The following MYLK4 variants were observed in gnomAD, a reference collection of about 807,000 sequenced individuals.
MYLK4 encodes the protein myosin light chain kinase family member 4, also known as caMLCK like.
MYLK4 carries 46 observed loss-of-function variants against 48.1 expected under a neutral mutation model. That is an observed-to-expected ratio of 0.96 (90% CI 0.75 to 1.22). The LOEUF (loss-of-function observed/expected upper bound fraction) is 1.22, where lower values mean the gene tolerates loss of function less well. Ranked by LOEUF, MYLK4 falls within the 50% of genes most tolerant of loss-of-function variation. The pLI is 0.00. For synonymous variants in MYLK4, 170 were observed against 180.8 expected, an observed-to-expected ratio of 0.94 and a Z score of 0.48; for missense variants, 451 against 486.1, an observed-to-expected ratio of 0.93 and a Z score of 0.68.
At chr6:2,733,153 G>A (rs1243247407) in intron 2 of MYLK4, among the ~76,000 whole-genome samples, 1 of 152,108 alleles carries the variant, frequency 6.6e-6, no homozygotes, top group Non-Finnish European at 1.5e-5. Context: ...TGCAAAAATG[G>A]GCTTTTGCTA....
At chr6:2,684,037 A>G (rs1482597472) in intron 6 of MYLK4, among the ~76,000 whole-genome samples, 1 of 152,228 alleles carries the variant, frequency 6.6e-6, no homozygotes, top group Non-Finnish European at 1.5e-5. Context: ...TAACTCCGAT[A>G]CAGTTTAATT....
the MYLK4 span, among the ~76,000 whole-genome samples, chr6:2,762,831 T>C: frequency 6.6e-6 from 1 of 152,200 alleles, no homozygotes; most frequent in African/African-American, 2.4e-5. Flanking sequence ...TAGGTCAGCA[T>C]CTCTTAAGTT....
chr6:2,762,436 T>C, the MYLK4 span, among the ~76,000 whole-genome samples: 1 of 152,254 alleles, frequency 6.6e-6, no homozygotes, highest in Non-Finnish European at 1.5e-5. Context: ...AGGCCTTATA[T>C]TAAGAGATTC....
chr6:2,691,856 G>A (rs1055937566), intron 3 of MYLK4, among the ~76,000 whole-genome samples: 5 of 152,090 alleles, frequency 3.3e-5, no homozygotes, highest in Admixed American at 1.3e-4. Flanking sequence ...ATATAAGCTG[G>A]AAAACCAAGT....
chr6:2,721,716 G>A (rs751137505), intron 2 of MYLK4, among the ~76,000 whole-genome samples: 2 of 152,152 alleles, frequency 1.3e-5, no homozygotes, highest in African/African-American at 4.8e-5. Flanking sequence ...CTCCACTTAC[G>A]GACAGTGGTT....
At chr6:2,768,895 C>A in the MYLK4 span, 1 of 1,596,102 alleles carries the variant, frequency 6.3e-7, no homozygotes, top group South Asian at 1.1e-5. Flanking sequence ...ATATTAACTT[C>A]CTTCTACCTT....
chr6:2,700,537 A>G (rs1278429317), intron 2 of MYLK4, among the ~76,000 whole-genome samples: 2 of 152,078 alleles, frequency 1.3e-5, no homozygotes, highest in Non-Finnish European at 2.9e-5. Context: ...TCCCCCCGAT[A>G]AGCAAGGTCT....
chr6:2,754,084 A>T (rs1449605019), upstream of MYLK4, among the ~76,000 whole-genome samples: 2 of 152,162 alleles, frequency 1.3e-5, no homozygotes, highest in Non-Finnish European at 2.9e-5. Context: ...GTTGATGGGA[A>T]TATAAAATGA....
intron 2 of MYLK4, among the ~76,000 whole-genome samples, chr6:2,727,703 C>A (rs950489973): frequency 2.0e-5 from 3 of 152,070 alleles, no homozygotes; most frequent in African/African-American, 7.2e-5. Context: ...AATCCCAGCA[C>A]TTTGGGAGGC....
intron 2 of MYLK4, among the ~76,000 whole-genome samples, chr6:2,695,291 C>T (rs936291672): frequency 3.3e-5 from 5 of 152,118 alleles, no homozygotes; most frequent in African/African-American, 7.2e-5. Flanking sequence ...TATAAGCATA[C>T]GTGGATTTAA....
rs968854555 is a variant in MYLK4, at chr6:2,672,889, G to A, written c.1120-1541C>T. Among the ~76,000 whole-genome samples the A allele has an allele frequency of 1.3e-5, 2 of 152,060 alleles. No homozygotes were observed. Among genetic ancestry groups the A allele is most frequent in the African/African-American group, 2.4e-5 (1 of 41,382 alleles). Reference sequence around the variant, plus strand: ...AGACACTAATGTGCCCATTTTGTGCGTTGCTATGAGGAGTCAGTGAGTTAT... The same window carrying A: ...AGACACTAATGTGCCCATTTTGTGCATTGCTATGAGGAGTCAGTGAGTTAT... On this transcript the variant is annotated intron_variant, in intron 11 of 12. Transcript: ENST00000274643. The surrounding 1 kb of genome is among the most constrained non-coding windows in gnomAD (Gnocchi z 4.3).
intron 2 of MYLK4, among the ~76,000 whole-genome samples, chr6:2,700,703 CAAAT>C (rs1000581972): frequency 6.6e-6 from 1 of 152,132 alleles, no homozygotes; most frequent in African/African-American, 2.4e-5. Context: ...GGGAGGGCAA[CAAAT>C]AAAAAATCCA....
intron 2 of MYLK4, among the ~76,000 whole-genome samples, chr6:2,698,684 A>C (rs989963686): frequency 6.6e-6 from 1 of 152,254 alleles, no homozygotes; most frequent in Non-Finnish European, 1.5e-5. Context: ...TCCTACAAGA[A>C]TACAAAGAGA....
chr6:2,760,827 T>C, the MYLK4 span, among the ~76,000 whole-genome samples: 1 of 152,176 alleles, frequency 6.6e-6, no homozygotes, highest in African/African-American at 2.4e-5. Context: ...ATATAAAATG[T>C]GTTAGAATAA....
chr6:2,736,324 G>A (rs762994109), intron 2 of MYLK4, among the ~76,000 whole-genome samples: 10 of 152,168 alleles, frequency 6.6e-5, no homozygotes, highest in Non-Finnish European at 1.3e-4. Context: ...GCGCGATCTC[G>A]GCTCACTGCA....
rs186462330 is a variant in MYLK4, at chr6:2,675,235, T to C, written c.1041-110A>G. The stretch of plus-strand genomic sequence containing the variant: ...CTTCGGGAGACCAGATGGCCGAATG[T>C]CAACTCATGGTCAATTCTGCCTTCT... On this transcript the variant is annotated intron_variant, in intron 10 of 12. Coordinates refer to ENST00000274643, the MANE Select transcript of MYLK4 (RefSeq NM_001012418.5). 646 of 759,902 alleles carry C rather than the reference T, an allele frequency of 8.5e-4. 13 individuals are homozygous for C. In the Admixed American group the frequency reaches 0.012, roughly 15 times the overall value. The allele number at this position is 759,902 out of a possible 1,614,324, so 47.1% of individuals were successfully genotyped here. A position where few individuals can be genotyped will look rare whatever the true frequency, so the allele number is the denominator to read the frequency against.
the MYLK4 span, among the ~76,000 whole-genome samples, chr6:2,762,762 C>T: frequency 2.6e-5 from 4 of 152,140 alleles, no homozygotes; most frequent in Admixed American, 6.5e-5. Context: ...CTGGTAGCTT[C>T]CTGATCTCGC....
the MYLK4 span, chr6:2,770,313 C>A: frequency 6.2e-7 from 1 of 1,614,176 alleles, no homozygotes. Context: ...GTCCTAGACT[C>A]TAGCCGTCCC....
intron 2 of MYLK4, among the ~76,000 whole-genome samples, chr6:2,704,030 T>G (rs962759962): frequency 6.6e-6 from 1 of 152,198 alleles, no homozygotes; most frequent in Non-Finnish European, 1.5e-5. Flanking sequence ...TGGCCACACA[T>G]CTTCGTGGAT....
Sources: allele counts gnomAD v4.1 joint callset (sites outside exome capture counted in the v4.1 genomes callset), GRCh38; gene constraint gnomAD v4.1.1; non-coding constraint Gnocchi (gnomAD v3.1); transcripts MANE v1.5; gene names NCBI Gene and HGNC (gene_info 2026-07-23, HGNC 2026-07-21).